CDH18: variants seen among roughly 807,000 people sequenced by gnomAD.
CDH18 encodes cadherin 18, also known as cadherin-18.
Under a neutral mutation model 67.9 loss-of-function variants are expected in CDH18, and 31 were observed. That is an observed-to-expected ratio of 0.46 (90% CI 0.34 to 0.62). The LOEUF is 0.62. Among genes scored for constraint, CDH18 ranks in the 20% least tolerant of loss-of-function variants. The pLI is 0.01. For missense variants in CDH18, 890 were observed against 975.5 expected (o/e 0.91, Z 1.17); for synonymous variants, 362 against 347.2 (o/e 1.04, Z -0.48).
intron 2 of CDH18, among the ~76,000 whole-genome samples, chr5:19,967,105 TA>T (rs1378154515): frequency 2.0e-5 from 3 of 151,606 alleles, no homozygotes; most frequent in South Asian, 2.1e-4. Flanking sequence ...GAAAAAAATG[TA>T]AAAAAAATCT....
intron 1 of CDH18, among the ~76,000 whole-genome samples, chr5:20,351,343 G>A (rs185961325): frequency 7.3e-4 from 111 of 151,412 alleles, no homozygotes; most frequent in Non-Finnish European, 1.3e-3. Flanking sequence ...ATAAATTAAC[G>A]AACACATATA....
intron 1 of CDH18, among the ~76,000 whole-genome samples, chr5:20,327,955 C>T (rs4866180): frequency 0.81 from 123,561 of 151,844 alleles, 50,459 homozygotes; most frequent in African/African-American, 0.9. Context: ...ATAACAGTGA[C>T]AACTATGTGA....
intron 5 of CDH18, among the ~76,000 whole-genome samples, chr5:19,629,645 T>G (rs954938717): frequency 6.6e-6 from 1 of 152,220 alleles, no homozygotes; most frequent in Non-Finnish European, 1.5e-5. Flanking sequence ...GACTGGATAT[T>G]TCGACTGCAT....
At chr5:20,051,331 T>C (rs542029879) in intron 2 of CDH18, among the ~76,000 whole-genome samples, 4 of 151,960 alleles carry the variant, frequency 2.6e-5, no homozygotes, top group Non-Finnish European at 5.9e-5. Context: ...TGTTCTTCAA[T>C]GTAATTGTGA....
intron 3 of CDH18, among the ~76,000 whole-genome samples, chr5:19,800,808 G>A (rs1273933597): frequency 2.6e-5 from 4 of 152,160 alleles, no homozygotes; most frequent in African/African-American, 7.2e-5. Context: ...AAAAAATGGA[G>A]AGTACTTCTG....
At chr5:20,519,152 A>C (rs1246701735) in intron 1 of CDH18, among the ~76,000 whole-genome samples, 1 of 152,288 alleles carries the variant, frequency 6.6e-6, no homozygotes, top group East Asian at 1.9e-4. Context: ...TTATTCCAAA[A>C]CTTTCTGTGA....
chr5:19,657,246 AAAG>A (rs1355396835), intron 5 of CDH18, among the ~76,000 whole-genome samples: 1 of 152,152 alleles, frequency 6.6e-6, no homozygotes, highest in Non-Finnish European at 1.5e-5. Context: ...GTGATAGAAC[AAAG>A]AAGAATAAAA....
intron 1 of CDH18, among the ~76,000 whole-genome samples, chr5:20,339,260 C>T (rs745605387): frequency 2.0e-5 from 3 of 152,176 alleles, no homozygotes; most frequent in Non-Finnish European, 4.4e-5. Flanking sequence ...TGCACAAAGG[C>T]ATGGCTGGCT....
intron 1 of CDH18, among the ~76,000 whole-genome samples, chr5:20,398,699 C>T (rs60869844): frequency 9.9e-5 from 15 of 151,662 alleles, no homozygotes; most frequent in African/African-American, 3.2e-4. Context: ...AAAACCACCA[C>T]GGCACACGTA....
chr5:19,996,667 G>T, intron 2 of CDH18, among the ~76,000 whole-genome samples: 1 of 151,760 alleles, frequency 6.6e-6, no homozygotes. Context: ...TGTTCATGTG[G>T]TTACTAGAAT....
At chr5:20,270,769 G>C (rs1238181485) in intron 1 of CDH18, among the ~76,000 whole-genome samples, 1 of 151,946 alleles carries the variant, frequency 6.6e-6, no homozygotes, top group Non-Finnish European at 1.5e-5. Flanking sequence ...TAAAGAACAG[G>C]TGCTATATAT....
chr5:20,120,133 G>A (rs533797542), intron 2 of CDH18, among the ~76,000 whole-genome samples: 3 of 152,162 alleles, frequency 2.0e-5, no homozygotes, highest in Admixed American at 1.3e-4. Context: ...ATTCACTAGA[G>A]TGAGAAAGAT....
intron 8 of CDH18, among the ~76,000 whole-genome samples, chr5:19,556,165 A>T (rs1738370506): frequency 6.6e-6 from 1 of 152,188 alleles, no homozygotes; most frequent in Non-Finnish European, 1.5e-5. Flanking sequence ...AGTCTACCCA[A>T]ATGAGAAGAG....
At chr5:20,543,210 A>G (rs552656977) in intron 1 of CDH18, among the ~76,000 whole-genome samples, 1 of 152,198 alleles carries the variant, frequency 6.6e-6, no homozygotes, top group East Asian at 1.9e-4. Flanking sequence ...TTACACTGCT[A>G]TTTAATAATT....
intron 1 of CDH18, among the ~76,000 whole-genome samples, chr5:20,486,119 C>T (rs1028444571): frequency 4.6e-5 from 7 of 152,086 alleles, no homozygotes; most frequent in Admixed American, 3.9e-4. Flanking sequence ...GTGCTGGTGC[C>T]TTCTTAAAAC....
At chr5:20,300,023 C>A (rs991881077) in intron 1 of CDH18, among the ~76,000 whole-genome samples, 3 of 151,970 alleles carry the variant, frequency 2.0e-5, no homozygotes, top group Non-Finnish European at 2.9e-5. Flanking sequence ...TCGAGGATTG[C>A]AGTTCATTTT....
At position 19,874,412 on chromosome 5, in the gene CDH18, T is replaced by C. The variant is rs992713822; in HGVS notation, c.-256-35170A>G. ...AATAATATCTTCCACAACAACTTTA[T>C]GAAACTATAACAAAGCATTTTATAT... On this transcript the variant is annotated intron_variant, in intron 2 of 12. Transcript: ENST00000382275. 5.9e-5 allele frequency among the ~76,000 whole-genome samples: 9 copies of C among 152,112 alleles called. No individual in the cohort carries two copies. The East Asian group carries it at 1.7e-3, about 29-fold the overall frequency.
At chr5:20,091,415 C>T (rs1368471149) in intron 2 of CDH18, among the ~76,000 whole-genome samples, 1 of 152,040 alleles carries the variant, frequency 6.6e-6, no homozygotes, top group African/African-American at 2.4e-5. Context: ...TTCTTGAGCC[C>T]AGGAGTTTGA....
intron 1 of CDH18, among the ~76,000 whole-genome samples, chr5:20,347,507 T>G (rs144565261): frequency 6.6e-6 from 1 of 152,254 alleles, no homozygotes; most frequent in African/African-American, 2.4e-5. Context: ...AGAGGCAATA[T>G]TCACATGAAC....
Sources: gnomAD v4.1 joint callset for allele counts (sites outside exome capture counted in the v4.1 genomes callset) on GRCh38, gnomAD v4.1.1 for gene constraint, MANE v1.5 for transcripts, NCBI Gene and HGNC (gene_info 2026-07-23, HGNC 2026-07-21) for gene names.